The following DDX46 variants were observed in gnomAD, a reference collection of about 807,000 sequenced individuals.
DDX46 encodes probable ATP-dependent RNA helicase DDX46.
Under a neutral mutation model 134.9 loss-of-function variants are expected in DDX46, and 30 were observed. That is an observed-to-expected ratio of 0.22 (90% CI 0.17 to 0.30). DDX46 has a LOEUF of 0.30. Among genes scored for constraint, DDX46 ranks in the 10% least tolerant of loss-of-function variants. The pLI, the probability that DDX46 is intolerant of heterozygous loss-of-function variation, is 1.00. For synonymous variants in DDX46, 415 were observed against 404.1 expected, an observed-to-expected ratio of 1.03 and a Z score of -0.32; for missense variants, 622 against 1,248.7, an observed-to-expected ratio of 0.50 and a Z score of 7.56.
At chr5:134,785,725 A>T in intron 11 of DDX46, 139 bp downstream of exon 11, 1 of 1,024,556 alleles carries the variant, frequency 9.8e-7, no homozygotes, top group Non-Finnish European at 1.4e-6. Flanking sequence ...TATAAAAATA[A>T]TAGTAAGAAT....
intron 6 of DDX46, among the ~76,000 whole-genome samples, chr5:134,779,957 G>T (rs973350817): frequency 6.6e-5 from 10 of 152,136 alleles, no homozygotes; most frequent in Non-Finnish European, 1.5e-4. Flanking sequence ...GAATTAGCTG[G>T]GTGTGATGGC....
Position 134,830,359 on chromosome 5 carries a change from G to A in DDX46, c.*1653G>A, listed in dbSNP as rs1193955982. 6.6e-6 allele frequency: 1 copy of A among 152,112 alleles called. No individual in the cohort carries two copies. Among genetic ancestry groups the A allele is most frequent in the Non-Finnish European group, 1.5e-5 (1 of 68,010 alleles). 9.4% of individuals were successfully genotyped at this position (152,112 alleles called of 1,614,324 possible). On this transcript the variant is annotated 3_prime_UTR_variant, in exon 23 of 23. Coordinates refer to ENST00000452510, the MANE Select transcript of DDX46 (RefSeq NM_001300860.2). Reference sequence around the variant, plus strand: ...GCATATAGCAAGCCATTTCATATAAGAGGCTTGAACATCCATGGATTTTGG... The same window carrying A: ...GCATATAGCAAGCCATTTCATATAAAAGGCTTGAACATCCATGGATTTTGG...
At chr5:134,817,752 A>AGG in intron 20 of DDX46, 38 bp downstream of exon 20, 1 of 1,556,348 alleles carries the variant, frequency 6.4e-7, no homozygotes, top group Non-Finnish European at 8.8e-7. Flanking sequence ...ATTGTGAAGT[A>AGG]GCAACTCTTC....
At chr5:134,817,195 G>A (rs73790711) in intron 19 of DDX46, 3,642 of 286,272 alleles carry the variant, frequency 0.013, 108 homozygotes, top group African/African-American at 0.073. Flanking sequence ...AATGATTTTC[G>A]AAATATTTAC....
rs906773135 is a variant in DDX46, at chr5:134,830,536, A to G, written c.*1830A>G. The G allele has an allele frequency of 6.6e-6, 1 of 152,252 alleles. No individual in the cohort carries two copies. Among genetic ancestry groups the G allele is most frequent in the Non-Finnish European group, 1.5e-5 (1 of 68,050 alleles). 9.4% of individuals were successfully genotyped at this position (152,252 alleles called of 1,614,324 possible). ...ATAAATAAAAGCATACTATAGTTGT[A>G]AAAACAAATAATTTTAATAGTATAT... On this transcript the variant is annotated 3_prime_UTR_variant, in exon 23 of 23. Transcript: ENST00000452510.
intron 15 of DDX46, among the ~76,000 whole-genome samples, chr5:134,800,778 C>T (rs1055614324): frequency 6.6e-6 from 1 of 152,070 alleles, no homozygotes; most frequent in Non-Finnish European, 1.5e-5. Context: ...CGGGTTCAAG[C>T]GATTCTCCTG....
chr5:134,787,879 C>G (rs1437380608), intron 11 of DDX46, among the ~76,000 whole-genome samples: 1 of 150,618 alleles, frequency 6.6e-6, no homozygotes, highest in Non-Finnish European at 1.5e-5. Context: ...TGCCTGTAGT[C>G]CTAGATACTG....
At chr5:134,779,690 G>A (rs899035775) in intron 6 of DDX46, among the ~76,000 whole-genome samples, 3 of 150,622 alleles carry the variant, frequency 2.0e-5, no homozygotes, top group African/African-American at 7.3e-5. Context: ...GGAATCTCAC[G>A]TGTTACCCAG....
At chr5:134,795,929 G>A in intron 14 of DDX46, 59 bp from the exon 15 acceptor site, 1 of 1,476,494 alleles carries the variant, frequency 6.8e-7, no homozygotes, top group Non-Finnish European at 9.3e-7. Context: ...GAATATTTCT[G>A]TCCAGGGGAT....
chr5:134,796,615 G>A (rs957862327), intron 15 of DDX46, among the ~76,000 whole-genome samples: 6 of 152,230 alleles, frequency 3.9e-5, no homozygotes, highest in Admixed American at 2.6e-4. Context: ...CACTTGGAGA[G>A]GCTGAGGCGG....
Position 134,816,543 on chromosome 5 carries a change from A to T in DDX46, c.2550A>T (p.Glu850Asp). 6.2e-7 allele frequency: 1 copy of T among 1,614,030 alleles called. No individual in the cohort carries two copies. Among genetic ancestry groups the T allele is most frequent in the Non-Finnish European group, 8.5e-7 (1 of 1,179,984 alleles). ...APTAGNAEKL[E>D]IAKRLALRIN... is the part of the protein sequence containing the mutation. ...CTGCAGGAAATGCTGAGAAATTAGA[A>T]ATTGCTAAGAGATTGGCTCTTAGAA... is the stretch of plus-strand genomic sequence containing the variant. Residue 850 changes from glutamate (E) to aspartate (D), a missense_variant, in exon 19 of 23, where the codon GAA (glutamate) becomes GAT (aspartate). Transcript: ENST00000452510.
rs1280224561 is a variant in DDX46, at chr5:134,788,582, G to A, written c.1534G>A (p.Ala512Thr). Residue 512 changes from alanine (A) to threonine (T), a missense_variant, in exon 12 of 23, where the codon GCT becomes ACT. Around this residue, in one of 8 missense-constraint regions of DDX46, gnomAD observed 209 missense variants for 508.4 expected, o/e 0.41. Coordinates refer to ENST00000452510, the MANE Select transcript of DDX46 (RefSeq NM_001300860.2). ...TGGTCGAATGATTGACATGTTAGCC[G>A]CTAACAGTGGTAAGTCAGGGGTATT... ...TPGRMIDMLA[A>T]NSGRVTNLRR... 2.5e-6 allele frequency: 4 copies of A among 1,613,706 alleles called. No homozygotes were observed. Among genetic ancestry groups the A allele is most frequent in the Non-Finnish European group, 3.4e-6 (4 of 1,179,772 alleles).
At chr5:134,781,356 G>T in intron 7 of DDX46, 110 bp downstream of exon 7, 1 of 790,382 alleles carries the variant, frequency 1.3e-6, no homozygotes. Flanking sequence ...GAAATTCCCA[G>T]AATTGAGAGA....
intron 22 of DDX46, among the ~76,000 whole-genome samples, chr5:134,827,315 C>G (rs1392634195): frequency 6.6e-6 from 1 of 151,600 alleles, no homozygotes; most frequent in East Asian, 1.9e-4. Context: ...TGCATTGTCA[C>G]CCAGGCTGGA....
At chr5:134,773,667 C>A in intron 4 of DDX46, 29 bp from the exon 5 acceptor site, 2 of 1,548,246 alleles carry the variant, frequency 1.3e-6, no homozygotes, top group South Asian at 2.5e-5. Context: ...TATTTTCCCC[C>A]ATCTCTTTCT....
chr5:134,806,293 A>G (rs1456540478), intron 15 of DDX46, among the ~76,000 whole-genome samples: 1 of 151,926 alleles, frequency 6.6e-6, no homozygotes, highest in East Asian at 1.9e-4. Flanking sequence ...ACTCTTTGAG[A>G]CTGGGATTAG....
chr5:134,795,138 T>C (rs1754611485), intron 14 of DDX46, 124 bp downstream of exon 14: 2 of 1,061,544 alleles, frequency 1.9e-6, no homozygotes. Context: ...ATACCACTAC[T>C]CTAGCCTTCA....
At chr5:134,810,264 A>C (rs2150156016) in intron 16 of DDX46, among the ~76,000 whole-genome samples, 1 of 151,638 alleles carries the variant, frequency 6.6e-6, no homozygotes, top group Non-Finnish European at 1.5e-5. Flanking sequence ...TCCATCTCAA[A>C]AAAAAAAAGG....
In DDX46 at chr5:134,816,558, G is replaced by A. The variant is rs1461693208; in HGVS notation, c.2565G>A (p.Leu855=). ...AGAAATTAGAAATTGCTAAGAGATT[G>A]GCTCTTAGAATCAATGCCCAGAAGA... ...NAEKLEIAKR[L]ALRINAQKNL... Residue 855 remains leucine, a synonymous_variant, in exon 19 of 23, where the codon TTG becomes TTA. Coordinates refer to ENST00000452510, the MANE Select transcript of DDX46 (RefSeq NM_001300860.2). 1 of 1,613,856 alleles carries A rather than the reference G, an allele frequency of 6.2e-7. No individual in the cohort carries two copies. Among genetic ancestry groups the A allele is most frequent in the African/African-American group, 1.3e-5 (1 of 75,018 alleles).
Sources: gnomAD v4.1 joint callset for allele counts (sites outside exome capture counted in the v4.1 genomes callset) on GRCh38, gnomAD v4.1.1 for gene constraint, gnomAD v4.1.1 regional missense constraint, MANE v1.5 for transcripts, NCBI Gene and HGNC (gene_info 2026-07-23, HGNC 2026-07-21) for gene names.